SYNPR: variants seen among roughly 807,000 people sequenced by gnomAD.
SYNPR encodes synaptoporin.
A neutral mutation model predicts 32.9 loss-of-function variants in SYNPR; 23 were observed. That is an observed-to-expected ratio of 0.70 (90% CI 0.50 to 0.99). The LOEUF (loss-of-function observed/expected upper bound fraction) is 0.99, where lower values mean the gene tolerates loss of function less well. SYNPR is among the 50% of genes least tolerant of loss of function. The pLI, the probability that SYNPR is intolerant of heterozygous loss-of-function variation, is 0.00. For missense variants in SYNPR, 318 were observed against 349.3 expected (o/e 0.91, Z 0.71); for synonymous variants, 146 against 135.9 (o/e 1.07, Z -0.52).
intron 2 of SYNPR, among the ~76,000 whole-genome samples, chr3:63,362,071 T>C (rs1421854616): frequency 1.3e-5 from 2 of 152,200 alleles, no homozygotes; most frequent in Non-Finnish European, 2.9e-5. Flanking sequence ...TGATACATGC[T>C]CCTTCATACA....
At chr3:63,298,277 T>A (rs1468937018) in intron 2 of SYNPR, among the ~76,000 whole-genome samples, 2 of 152,192 alleles carry the variant, frequency 1.3e-5, no homozygotes, top group African/African-American at 4.8e-5. Context: ...ACTGTTGTAA[T>A]TCTTGCAAAG....
chr3:63,260,475 T>C (rs1367454601), intron 2 of SYNPR, among the ~76,000 whole-genome samples: 1 of 152,180 alleles, frequency 6.6e-6, no homozygotes, highest in Non-Finnish European at 1.5e-5. Context: ...GGGGAAAAGA[T>C]TCTTTATTTA....
chr3:63,278,671 C>T lies in SYNPR; in HGVS notation c.19-6C>T. 6.4e-7 allele frequency: 1 copy of T among 1,551,706 alleles called. No individual in the cohort carries two copies. The highest frequency in any genetic ancestry group is 8.7e-7 in the Non-Finnish European group (1 of 1,146,980). On this transcript the variant is annotated splice_polypyrimidine_tract_variant and splice_region_variant and intron_variant, in intron 1 of 5. Transcript: ENST00000478300. ...GCTTTCTCTCTCTCGCCTCATTCCC[C>T]CAAAGCTGGCCTCTGCGGGCACCTT... is the stretch of plus-strand genomic sequence containing the variant.
At chr3:63,445,600 C>A in intron 2 of SYNPR, 1 of 694,822 alleles carries the variant, frequency 1.4e-6, no homozygotes, top group Non-Finnish European at 2.6e-6. Flanking sequence ...ATATGCCTGG[C>A]ACTGTGCTAA....
Position 63,396,837 on chromosome 3 carries a change from G to A in SYNPR, c.85-83995G>A, listed in dbSNP as rs149129905. On this transcript the variant is annotated intron_variant, in intron 2 of 5. Coordinates refer to ENST00000478300, the MANE Select transcript of SYNPR (RefSeq NM_001130003.2). ...ACATTAACATTGGCCGAGCGCGGTG[G>A]CTCACGCCTGTAATCCCAGCACTTT... Among the ~76,000 whole-genome samples, 1,214 of 152,280 alleles carry A rather than the reference G, an allele frequency of 8.0e-3. 8 individuals carry two copies. The highest frequency in any genetic ancestry group is 0.017 in the Middle Eastern group (5 of 294).
intron 2 of SYNPR, among the ~76,000 whole-genome samples, chr3:63,387,488 A>T (rs2088066963): frequency 6.6e-6 from 1 of 152,214 alleles, no homozygotes; most frequent in African/African-American, 2.4e-5. Context: ...TCTAAAGAGA[A>T]CCTTAGCACC....
In SYNPR at chr3:63,364,105, T is replaced by C. The variant is rs377001884; in HGVS notation, c.84+85363T>C. 5.3e-5 allele frequency among the ~76,000 whole-genome samples: 8 copies of C among 152,310 alleles called. No homozygotes were observed. In the East Asian group the frequency reaches 1.4e-3, roughly 26 times the overall value. On this transcript the variant is annotated intron_variant, in intron 2 of 5. Coordinates refer to ENST00000478300, the MANE Select transcript of SYNPR (RefSeq NM_001130003.2). ...CAAAATCTTTCCTACACCAAACTCATGTTTTCTATTTATCCTGTCAAAGAG... is the reference window on the plus strand; with the variant it reads ...CAAAATCTTTCCTACACCAAACTCACGTTTTCTATTTATCCTGTCAAAGAG...
chr3:63,442,231 G>C (rs138536424), intron 2 of SYNPR, among the ~76,000 whole-genome samples: 65 of 147,296 alleles, frequency 4.4e-4, no homozygotes, highest in African/African-American at 1.3e-3. Context: ...GATACAAAGA[G>C]ACAGAGATAG....
At chr3:63,595,757 A>ATATATAGT (rs1699934940) in intron 4 of SYNPR, among the ~76,000 whole-genome samples, 2 of 31,004 alleles carry the variant, frequency 6.5e-5, no homozygotes, top group African/African-American at 4.5e-4. Context: ...ATATATATAT[A>ATATATAGT]TATATATATA....
chr3:63,478,970 G>A (rs1700989007), intron 2 of SYNPR, among the ~76,000 whole-genome samples: 1 of 152,132 alleles, frequency 6.6e-6, no homozygotes, highest in African/African-American at 2.4e-5. Context: ...TTGCTTACAG[G>A]AAGAGAGCAT....
intron 3 of SYNPR, among the ~76,000 whole-genome samples, chr3:63,515,583 G>A (rs977747729): frequency 2.6e-5 from 4 of 152,088 alleles, no homozygotes; most frequent in East Asian, 1.9e-4. Flanking sequence ...TATGTTGCCT[G>A]CTAATGGAAA....
intron 2 of SYNPR, among the ~76,000 whole-genome samples, chr3:63,415,475 C>A (rs966123693): frequency 2.0e-5 from 3 of 151,702 alleles, no homozygotes; most frequent in Non-Finnish European, 4.4e-5. Flanking sequence ...AAATATGTGA[C>A]AGATCATATG....
intron 3 of SYNPR, among the ~76,000 whole-genome samples, chr3:63,515,976 A>T (rs1701791560): frequency 1.3e-5 from 2 of 152,100 alleles, no homozygotes; most frequent in African/African-American, 4.8e-5. Flanking sequence ...GGGACTGGTT[A>T]TTGATTTCCA....
chr3:63,545,715 G>A (rs936914059), intron 3 of SYNPR, among the ~76,000 whole-genome samples: 1 of 152,072 alleles, frequency 6.6e-6, no homozygotes, highest in Non-Finnish European at 1.5e-5. Context: ...GTTTTAAGTT[G>A]TTAATATTGG....
intron 4 of SYNPR, among the ~76,000 whole-genome samples, chr3:63,560,526 A>C (rs1702668130): frequency 6.6e-6 from 1 of 152,176 alleles, no homozygotes; most frequent in Non-Finnish European, 1.5e-5. Context: ...CTTGTTTAAA[A>C]CCCATCCTCT....
At chr3:63,517,725 A>G (rs192249374) in intron 3 of SYNPR, among the ~76,000 whole-genome samples, 33 of 152,238 alleles carry the variant, frequency 2.2e-4, no homozygotes, top group Admixed American at 3.9e-4. Flanking sequence ...ATACTACCCA[A>G]AAACATAGAG....
chr3:63,589,568 C>T (rs1291335488), intron 4 of SYNPR, among the ~76,000 whole-genome samples: 2 of 150,952 alleles, frequency 1.3e-5, no homozygotes, highest in Non-Finnish European at 3.0e-5. Flanking sequence ...AAAATACTGG[C>T]AAACCGAATC....
At chr3:63,610,198 G>A (rs1700180120) in intron 5 of SYNPR, among the ~76,000 whole-genome samples, 1 of 152,174 alleles carries the variant, frequency 6.6e-6, no homozygotes, top group Non-Finnish European at 1.5e-5. Flanking sequence ...GTTGAACAAA[G>A]TCAAATGTTA....
intron 2 of SYNPR, among the ~76,000 whole-genome samples, chr3:63,327,260 C>A (rs1000167362): frequency 6.6e-6 from 1 of 152,036 alleles, no homozygotes; most frequent in Non-Finnish European, 1.5e-5. Flanking sequence ...TATAGAACAA[C>A]TAGAACTTTT....
Sources: allele counts gnomAD v4.1 joint callset (sites outside exome capture counted in the v4.1 genomes callset), GRCh38; gene constraint gnomAD v4.1.1; transcripts MANE v1.5; gene names NCBI Gene and HGNC (gene_info 2026-07-23, HGNC 2026-07-21).